Variants in WWOX observed in about 807,000 individuals in gnomAD.
WWOX encodes the protein WW domain-containing oxidoreductase.
WWOX carries 69 observed loss-of-function variants against 46.2 expected under a neutral mutation model. The ratio of observed to expected loss-of-function variants is 1.49; its 90% confidence interval spans 1.23 to 1.82. The LOEUF is 1.82. Ranked by LOEUF, WWOX falls within the 40% of genes most tolerant of loss-of-function variation. The pLI is 0.00. For synonymous variants in WWOX, 359 were observed against 202.6 expected (o/e 1.77, Z -6.56); for missense variants, 919 against 542.6 (o/e 1.69, Z -6.89).
At chr16:78,650,314 C>T (rs2046938501) in intron 8 of WWOX, among the ~76,000 whole-genome samples, 1 of 152,172 alleles carries the variant, frequency 6.6e-6, no homozygotes. Context: ...TTCAGAATAA[C>T]ATACTGCTGT....
chr16:79,207,228 G>A (rs1280399575), intron 8 of WWOX, among the ~76,000 whole-genome samples: 1 of 152,234 alleles, frequency 6.6e-6, no homozygotes, highest in Non-Finnish European at 1.5e-5. Context: ...TATTCACAGA[G>A]TCAATGGATA....
At chr16:78,629,529 A>T (rs1310539775) in intron 8 of WWOX, among the ~76,000 whole-genome samples, 1 of 152,174 alleles carries the variant, frequency 6.6e-6, no homozygotes, top group Non-Finnish European at 1.5e-5. Context: ...TCACTGGCTC[A>T]CCATATCCCT....
chr16:78,649,469 G>T (rs1173651007), intron 8 of WWOX, among the ~76,000 whole-genome samples: 1 of 151,644 alleles, frequency 6.6e-6, no homozygotes, highest in South Asian at 2.1e-4. Context: ...AAATGGTGGG[G>T]TATTACTCTG....
intron 5 of WWOX, among the ~76,000 whole-genome samples, chr16:78,310,026 T>G (rs1006696427): frequency 6.6e-6 from 1 of 152,006 alleles, no homozygotes; most frequent in African/African-American, 2.4e-5. Flanking sequence ...ATCTGCACAA[T>G]TATTGTCATT....
At chr16:79,165,413 A>C (rs2050574326) in intron 8 of WWOX, among the ~76,000 whole-genome samples, 1 of 152,222 alleles carries the variant, frequency 6.6e-6, no homozygotes, top group Non-Finnish European at 1.5e-5. Context: ...TAATGCAGCT[A>C]AATTTCCCAC....
At chr16:78,251,982 G>A (rs2037997243) in intron 5 of WWOX, among the ~76,000 whole-genome samples, 1 of 152,198 alleles carries the variant, frequency 6.6e-6, no homozygotes, top group Non-Finnish European at 1.5e-5. Flanking sequence ...GGGAAGATTA[G>A]AATGAAGTCT....
chr16:79,134,575 C>T (rs1567573505), intron 8 of WWOX, among the ~76,000 whole-genome samples: 1 of 152,146 alleles, frequency 6.6e-6, no homozygotes, highest in Non-Finnish European at 1.5e-5. Context: ...TATTAGAACT[C>T]CACAGTAGAT....
At chr16:78,565,484 C>G (rs569925872) in intron 8 of WWOX, among the ~76,000 whole-genome samples, 1 of 152,198 alleles carries the variant, frequency 6.6e-6, no homozygotes, top group Non-Finnish European at 1.5e-5. Flanking sequence ...ATTCCTCTTC[C>G]GTTGTCCCAT....
intron 7 of WWOX, among the ~76,000 whole-genome samples, chr16:78,425,391 G>C (rs187447317): frequency 6.6e-6 from 1 of 152,164 alleles, no homozygotes; most frequent in Non-Finnish European, 1.5e-5. Context: ...TTACCAAGAA[G>C]AATGTGCAGT....
intron 8 of WWOX, among the ~76,000 whole-genome samples, chr16:79,017,636 T>C (rs1484503777): frequency 1.3e-5 from 2 of 152,078 alleles, no homozygotes; most frequent in East Asian, 3.9e-4. Context: ...TGCATGGCCG[T>C]GTTCTGATAA....
intron 8 of WWOX, among the ~76,000 whole-genome samples, chr16:78,571,600 G>C (rs976751654): frequency 6.6e-6 from 1 of 152,158 alleles, no homozygotes; most frequent in African/African-American, 2.4e-5. Context: ...TGGGTGCAGT[G>C]GCTCACACCT....
intron 5 of WWOX, among the ~76,000 whole-genome samples, chr16:78,267,905 C>G (rs2079401465): frequency 1.3e-5 from 2 of 152,206 alleles, no homozygotes; most frequent in African/African-American, 4.8e-5. Context: ...GCAGCCTTGA[C>G]TTTCCAGGCT....
At chr16:78,479,868 C>G (rs1193918945) in intron 8 of WWOX, among the ~76,000 whole-genome samples, 1 of 152,116 alleles carries the variant, frequency 6.6e-6, no homozygotes, top group African/African-American at 2.4e-5. Context: ...ATAATGTTGA[C>G]CCAGCGGGGC....
intron 8 of WWOX, among the ~76,000 whole-genome samples, chr16:78,794,283 C>G (rs769894950): frequency 2.6e-5 from 4 of 152,178 alleles, no homozygotes; most frequent in African/African-American, 7.2e-5. Flanking sequence ...CTTGGACTTC[C>G]CAGCTTCCAG....
In WWOX at chr16:78,762,979, G is replaced by C. The variant is rs138713049; in HGVS notation, c.1056+330227G>C. On this transcript the variant is annotated intron_variant, in intron 8 of 8. Coordinates refer to ENST00000566780, the MANE Select transcript of WWOX (RefSeq NM_016373.4). ...AAAGGCTGGGGAAGATTTTCCTGGT[G>C]GGGGGACCAGATGAGCAATAGATCT... 4.2e-3 allele frequency among the ~76,000 whole-genome samples: 633 copies of C among 151,812 alleles called. 4 individuals carry two copies. The highest frequency in any genetic ancestry group is 0.015 in the African/African-American group (605 of 41,110).
At chr16:78,128,333 A>G (rs1762812596) in intron 4 of WWOX, among the ~76,000 whole-genome samples, 1 of 152,116 alleles carries the variant, frequency 6.6e-6, no homozygotes, top group Admixed American at 6.5e-5. Flanking sequence ...TAATGATGCG[A>G]TCTCATTTAA....
At chr16:78,700,665 CGT>C (rs2048195070) in intron 8 of WWOX, among the ~76,000 whole-genome samples, 1 of 152,134 alleles carries the variant, frequency 6.6e-6, no homozygotes, top group Non-Finnish European at 1.5e-5. Context: ...ACTTCCATAT[CGT>C]GTGTCTTGTG....
chr16:78,903,941 G>T (rs957263550), intron 8 of WWOX, among the ~76,000 whole-genome samples: 1 of 152,142 alleles, frequency 6.6e-6, no homozygotes, highest in Non-Finnish European at 1.5e-5. Flanking sequence ...TTTTCTCCGG[G>T]CCAGCCACAC....
intron 8 of WWOX, among the ~76,000 whole-genome samples, chr16:79,141,385 C>A (rs1464098860): frequency 6.6e-6 from 1 of 152,182 alleles, no homozygotes; most frequent in Admixed American, 6.5e-5. Flanking sequence ...GTCATCAGGC[C>A]CTCCTGAGGC....
Sources: allele counts gnomAD v4.1 joint callset (sites outside exome capture counted in the v4.1 genomes callset), GRCh38; gene constraint gnomAD v4.1.1; transcripts MANE v1.5; gene names NCBI Gene and HGNC (gene_info 2026-07-23, HGNC 2026-07-21).